MTUS2: variants seen among roughly 807,000 people sequenced by gnomAD.
MTUS2 encodes the protein microtubule-associated tumor suppressor candidate 2.
In MTUS2, 40 loss-of-function variants were observed where a neutral mutation model predicts 114.1. That is an observed-to-expected ratio of 0.35 (90% CI 0.27 to 0.46). The LOEUF is 0.46. MTUS2 is among the 20% of genes least tolerant of loss of function. MTUS2 has a pLI of 1.00. For missense variants in MTUS2, 1,679 were observed against 1,705.4 expected (o/e 0.98, Z 0.27); for synonymous variants, 688 against 672.0 (o/e 1.02, Z -0.37).
chr13:29,105,950 T>C (rs1175678924), intron 5 of MTUS2, among the ~76,000 whole-genome samples: 1 of 151,898 alleles, frequency 6.6e-6, no homozygotes, highest in East Asian at 1.9e-4. Context: ...ATCTGAGGAG[T>C]TGCCATTCCT....
At chr13:29,010,001 G>A (rs1449293397) in intron 2 of MTUS2, among the ~76,000 whole-genome samples, 2 of 152,066 alleles carry the variant, frequency 1.3e-5, no homozygotes, top group African/African-American at 4.8e-5. Context: ...CACAAAGTCA[G>A]GAGTTCGAGA....
intron 5 of MTUS2, among the ~76,000 whole-genome samples, chr13:29,217,848 T>A (rs928845018): frequency 1.3e-5 from 2 of 152,252 alleles, no homozygotes; most frequent in Non-Finnish European, 2.9e-5. Context: ...CCAGGTGTCC[T>A]GGCTCATGTC....
At chr13:29,106,880 G>A (rs1206221817) in intron 5 of MTUS2, among the ~76,000 whole-genome samples, 1 of 151,970 alleles carries the variant, frequency 6.6e-6, no homozygotes, top group Non-Finnish European at 1.5e-5. Context: ...AGACTTCCCA[G>A]GTCTTCCATG....
intron 2 of MTUS2, among the ~76,000 whole-genome samples, chr13:28,903,969 T>A (rs937949741): frequency 1.4e-4 from 22 of 152,226 alleles, no homozygotes; most frequent in Non-Finnish European, 2.9e-4. Flanking sequence ...TGGTGTGAGA[T>A]GGTATCTCAT....
At chr13:29,360,691 C>T (rs1021977021) in intron 8 of MTUS2, among the ~76,000 whole-genome samples, 3 of 24,842 alleles carry the variant, frequency 1.2e-4, no homozygotes, top group African/African-American at 2.5e-4. Context: ...GCCGAACACC[C>T]CCCCCCCCCC....
intron 4 of MTUS2, among the ~76,000 whole-genome samples, chr13:29,047,580 C>A (rs1887686018): frequency 6.7e-6 from 1 of 148,736 alleles, no homozygotes; most frequent in African/African-American, 2.5e-5. Flanking sequence ...GTGGCGCAAT[C>A]TCGGCTCACT....
At chr13:28,901,802 T>C (rs1339198184) in intron 2 of MTUS2, among the ~76,000 whole-genome samples, 1 of 152,174 alleles carries the variant, frequency 6.6e-6, no homozygotes, top group African/African-American at 2.4e-5. Context: ...TTCTTCCTAT[T>C]GTGTTTTTTC....
Position 29,100,797 on chromosome 13 carries a change from C to A in MTUS2, c.2471C>A (p.Ser824Ter). 1 of 1,551,590 alleles carries A rather than the reference C, an allele frequency of 6.4e-7. No homozygotes were observed. The highest frequency in any genetic ancestry group is 8.7e-7 in the Non-Finnish European group (1 of 1,146,976). ...PSADLKKASS[S>*]NAAKSNLPKS... ...GCAGATTTAAAGAAAGCTTCCAGTT[C>A]AAATGCTGCAAAATCCAATCTCCCG... The change falls in exon 5 of 16, where the codon TCA becomes TAA. Residue 824 changes from serine (S) to a stop codon, truncating the protein, a stop_gained. Coordinates refer to ENST00000612955, the MANE Select transcript of MTUS2 (RefSeq NM_001033602.4). LOFTEE classifies it high-confidence loss of function.
intron 4 of MTUS2, among the ~76,000 whole-genome samples, chr13:29,070,579 A>G (rs1266199389): frequency 1.3e-5 from 2 of 151,788 alleles, no homozygotes; most frequent in African/African-American, 2.4e-5. Flanking sequence ...GTGTTTTAAA[A>G]CTTTTTAGTG....
At chr13:29,408,199 T>A (rs1286330557) in intron 8 of MTUS2, among the ~76,000 whole-genome samples, 2 of 152,242 alleles carry the variant, frequency 1.3e-5, no homozygotes, top group Non-Finnish European at 2.9e-5. Flanking sequence ...TATCATTATT[T>A]TTCTTTATTG....
chr13:29,101,046 C>A, intron 5 of MTUS2, 76 bp downstream of exon 5: 1 of 1,381,428 alleles, frequency 7.2e-7, no homozygotes, highest in Non-Finnish European at 9.6e-7. Flanking sequence ...GTGTCATTTT[C>A]TTTGCATGAT....
chr13:29,410,034 G>C (rs562956353), intron 8 of MTUS2, among the ~76,000 whole-genome samples: 165 of 151,892 alleles, frequency 1.1e-3, no homozygotes, highest in Non-Finnish European at 1.8e-3. Flanking sequence ...TGCCAAATTC[G>C]CCTACAAAAA....
chr13:29,320,177 G>A (rs1900194583), intron 6 of MTUS2, among the ~76,000 whole-genome samples: 1 of 152,200 alleles, frequency 6.6e-6, no homozygotes, highest in Non-Finnish European at 1.5e-5. Flanking sequence ...GGAGGAATTA[G>A]AAAGACATGA....
chr13:29,430,457 C>T (rs578156521), intron 8 of MTUS2, among the ~76,000 whole-genome samples: 1 of 152,108 alleles, frequency 6.6e-6, no homozygotes, highest in African/African-American at 2.4e-5. Context: ...GTTTAAGTAA[C>T]TTTCCAGTGT....
chr13:29,249,369 C>T (rs1246385847), intron 5 of MTUS2, among the ~76,000 whole-genome samples: 1 of 152,138 alleles, frequency 6.6e-6, no homozygotes. Flanking sequence ...GTTCTAAATC[C>T]TTGAGGAATC....
chr13:29,342,914 G>A (rs1343349558), intron 7 of MTUS2, among the ~76,000 whole-genome samples: 1 of 151,970 alleles, frequency 6.6e-6, no homozygotes, highest in East Asian at 1.9e-4. Flanking sequence ...CTATTGAGAT[G>A]ATCATGTTAT....
At chr13:29,035,057 G>A (rs190635129) in intron 4 of MTUS2, among the ~76,000 whole-genome samples, 1 of 152,184 alleles carries the variant, frequency 6.6e-6, no homozygotes, top group East Asian at 1.9e-4. Context: ...GATACAGACA[G>A]GCAGATCAAA....
chr13:28,873,754 A>G (rs1198500183), intron 2 of MTUS2, among the ~76,000 whole-genome samples: 1 of 152,242 alleles, frequency 6.6e-6, no homozygotes, highest in Non-Finnish European at 1.5e-5. Flanking sequence ...GATCTGGCAG[A>G]GTTATTAATA....
chr13:29,499,149 T>C (rs1051518167), intron 14 of MTUS2, among the ~76,000 whole-genome samples: 1 of 152,162 alleles, frequency 6.6e-6, no homozygotes, highest in Non-Finnish European at 1.5e-5. Context: ...GCACAGGAAT[T>C]TGGGGGGACA....
Sources: allele counts gnomAD v4.1 joint callset (sites outside exome capture counted in the v4.1 genomes callset), GRCh38; gene constraint gnomAD v4.1.1; transcripts MANE v1.5; gene names NCBI Gene and HGNC (gene_info 2026-07-23, HGNC 2026-07-21).